GCNT1: variants seen among roughly 807,000 people sequenced by gnomAD.
The protein encoded by GCNT1 is beta-1,3-galactosyl-O-glycosyl-glycoprotein beta-1,6-N-acetylglucosaminyltransferase.
In GCNT1, 16 loss-of-function variants were observed where a neutral mutation model predicts 26.2. That is an observed-to-expected ratio of 0.61 (90% CI 0.41 to 0.93). GCNT1 has a LOEUF of 0.93. GCNT1 is among the 40% of genes least tolerant of loss of function. The pLI, the probability that GCNT1 is intolerant of heterozygous loss-of-function variation, is 0.00. For missense variants in GCNT1, 477 were observed against 526.7 expected (o/e 0.91, Z 0.92); for synonymous variants, 183 against 190.8 (o/e 0.96, Z 0.34).
Position 76,504,012 on chromosome 9 carries a change from G to C in GCNT1, c.*344G>C, listed in dbSNP as rs41288761. Reference sequence around the variant, plus strand: ...AAAGTGCTCAGGGACTTAGCAAAATGAGAAGATGTGACCTGTGCCAAAACT... The same window carrying C: ...AAAGTGCTCAGGGACTTAGCAAAATCAGAAGATGTGACCTGTGCCAAAACT... On this transcript the variant is annotated 3_prime_UTR_variant, in exon 4 of 4. Coordinates refer to ENST00000376730, the MANE Select transcript of GCNT1 (RefSeq NM_001490.5). 4.8e-3 allele frequency: 1,271 copies of C among 263,136 alleles called. 3 individuals are homozygous for C. The highest frequency in any genetic ancestry group is 6.1e-3 in the Non-Finnish European group (771 of 126,300). The allele number at this position is 263,136 out of a possible 1,614,324, so 16.3% of individuals were successfully genotyped here.
rs1435898320 is a variant in GCNT1, at chr9:76,500,922, T to G, written c.-283T>G. The G allele has an allele frequency of 6.6e-6, 1 of 152,202 alleles. No homozygotes were observed. Among genetic ancestry groups the G allele is most frequent in the Non-Finnish European group, 1.5e-5 (1 of 68,028 alleles). 9.4% of individuals were successfully genotyped at this position (152,202 alleles called of 1,614,324 possible). On this transcript the variant is annotated 5_prime_UTR_variant, in exon 3 of 4. Transcript: ENST00000376730. ...TTGTTTTTTAATTTCACAGATTTCT[T>G]TAAAGACTCGTGCAGCACATCATTA...
chr9:76,478,918 TAC>T (rs921515698), intron 2 of GCNT1, among the ~76,000 whole-genome samples: 8 of 152,242 alleles, frequency 5.3e-5, no homozygotes, highest in African/African-American at 1.9e-4. Context: ...GCAGGTTTGT[TAC>T]ATATGTATAC....
At chr9:76,489,492 C>T (rs1027808206) in intron 2 of GCNT1, among the ~76,000 whole-genome samples, 4 of 152,248 alleles carry the variant, frequency 2.6e-5, no homozygotes, top group Admixed American at 2.6e-4. Context: ...ACTGCTGGCT[C>T]AGGTGTCCAG....
At chr9:76,409,842 A>G in the GCNT1 span, among the ~76,000 whole-genome samples, 26 of 151,934 alleles carry the variant, frequency 1.7e-4, no homozygotes, top group African/African-American at 6.0e-4. Flanking sequence ...CTTAAAGTGG[A>G]AGCTTAGATG....
At chr9:76,445,598 G>A (rs1823562887) in intron 1 of GCNT1, among the ~76,000 whole-genome samples, 1 of 150,672 alleles carries the variant, frequency 6.6e-6, no homozygotes, top group Admixed American at 6.6e-5. Flanking sequence ...TCAACATGTT[G>A]GCCAGGCTGG....
At chr9:76,478,822 G>T (rs1314907688) in intron 2 of GCNT1, among the ~76,000 whole-genome samples, 1 of 152,136 alleles carries the variant, frequency 6.6e-6, no homozygotes, top group Non-Finnish European at 1.5e-5. Context: ...ATTTGTATGG[G>T]TAAAGCCATA....
chr9:76,428,200 A>G (rs531106320), intron 1 of GCNT1, among the ~76,000 whole-genome samples: 1 of 138,322 alleles, frequency 7.2e-6, no homozygotes, highest in Admixed American at 7.9e-5. Flanking sequence ...CGGGAGGTGG[A>G]GCTTGCAGTG....
rs1255683067 is a variant in GCNT1 at position 76,470,249 on chromosome 9, C to A, written c.-290+10072C>A. Among the ~76,000 whole-genome samples the A allele has an allele frequency of 1.3e-5, 2 of 152,052 alleles. 1 individual carries two copies. Among genetic ancestry groups the A allele is most frequent in the Admixed American group, 1.3e-4 (2 of 15,258 alleles). On this transcript the variant is annotated intron_variant, in intron 2 of 3. Transcript: ENST00000376730. ...TTGCTGGTGAACTTTAAAACAGCCT[C>A]TTTCTCGTGATATACCCCTCCAGTT...
At chr9:76,493,610 C>T (rs1274976755) in intron 2 of GCNT1, among the ~76,000 whole-genome samples, 1 of 151,944 alleles carries the variant, frequency 6.6e-6, no homozygotes, top group Non-Finnish European at 1.5e-5. Flanking sequence ...TTTTTGTGGT[C>T]CTTTGGAGAT....
intron 1 of GCNT1, among the ~76,000 whole-genome samples, chr9:76,427,098 C>T (rs1228718513): frequency 6.6e-6 from 1 of 151,976 alleles, no homozygotes; most frequent in African/African-American, 2.4e-5. Context: ...AATTTAAACA[C>T]AGACATGCAC....
intron 2 of GCNT1, among the ~76,000 whole-genome samples, chr9:76,465,720 A>G (rs1348630476): frequency 6.6e-6 from 1 of 152,224 alleles, no homozygotes; most frequent in Non-Finnish European, 1.5e-5. Flanking sequence ...GCGTAGCAGC[A>G]CTGGATAACG....
chr9:76,405,050 C>T, the GCNT1 span, among the ~76,000 whole-genome samples: 1 of 151,854 alleles, frequency 6.6e-6, no homozygotes, highest in Non-Finnish European at 1.5e-5. Flanking sequence ...AACTCCTGGC[C>T]TCAGATGATC....
chr9:76,489,487 T>G (rs1345225120), intron 2 of GCNT1, among the ~76,000 whole-genome samples: 1 of 152,218 alleles, frequency 6.6e-6, no homozygotes, highest in East Asian at 1.9e-4. Context: ...TTGCCACTGC[T>G]GGCTCAGGTG....
chr9:76,415,884 T>G (rs766185950), upstream of GCNT1, among the ~76,000 whole-genome samples: 11 of 152,188 alleles, frequency 7.2e-5, no homozygotes, highest in Non-Finnish European at 1.0e-4. Flanking sequence ...TTCAATGTTT[T>G]TTTGTTCCAC....
intron 1 of GCNT1, among the ~76,000 whole-genome samples, chr9:76,450,863 T>C (rs1054646753): frequency 6.6e-6 from 1 of 152,270 alleles, no homozygotes; most frequent in African/African-American, 2.4e-5. Flanking sequence ...TTTAACACTT[T>C]AATGTATTAA....
At position 76,503,338 on chromosome 9, in the gene GCNT1, T is replaced by C. The variant is rs773058082; in HGVS notation, c.957T>C (p.Asp319=). The change falls in exon 4 of 4, where the codon GAT becomes GAC. Residue 319 remains aspartate, a synonymous_variant. Transcript: ENST00000376730. ...GGGCACAAGACACATACAGCCCTGA[T>C]GAGTATCTCTGGGCCACCATCCAAA... ...MEWAQDTYSP[D]EYLWATIQRI... 2 of 1,614,068 alleles carry C rather than the reference T, an allele frequency of 1.2e-6. No homozygotes were observed. Among genetic ancestry groups the C allele is most frequent in the African/African-American group, 2.7e-5 (2 of 75,048 alleles).
chr9:76,428,531 C>T (rs1440797092), intron 1 of GCNT1, among the ~76,000 whole-genome samples: 3 of 151,620 alleles, frequency 2.0e-5, no homozygotes, highest in African/African-American at 7.3e-5. Flanking sequence ...TAAAAAGAAA[C>T]AGAACATTAT....
chr9:76,429,220 GT>G (rs1564220985), intron 1 of GCNT1, among the ~76,000 whole-genome samples: 1 of 151,940 alleles, frequency 6.6e-6, no homozygotes, highest in African/African-American at 2.4e-5. Context: ...ACTTTGTTCG[GT>G]TTTTTTCTGA....
chr9:76,468,316 G>T (rs1053607710), intron 2 of GCNT1, among the ~76,000 whole-genome samples: 14 of 152,306 alleles, frequency 9.2e-5, no homozygotes, highest in Non-Finnish European at 2.1e-4. Context: ...GTGAGATGTT[G>T]CAAGTTAGGA....
Sources: allele counts gnomAD v4.1 joint callset (sites outside exome capture counted in the v4.1 genomes callset), GRCh38; gene constraint gnomAD v4.1.1; transcripts MANE v1.5; gene names NCBI Gene and HGNC (gene_info 2026-07-23, HGNC 2026-07-21).